The following EDIL3 variants were observed in gnomAD, a reference collection of about 807,000 sequenced individuals.
The protein encoded by EDIL3 is EGF like and discoidin domains 3.
In EDIL3, 37 loss-of-function variants were observed where a neutral mutation model predicts 67.4. The ratio of observed to expected loss-of-function variants is 0.55; its 90% confidence interval spans 0.42 to 0.72. The LOEUF (loss-of-function observed/expected upper bound fraction) is 0.72, where lower values mean the gene tolerates loss of function less well. Ranked by LOEUF, EDIL3 falls within the 30% of genes least tolerant of loss-of-function variation. The pLI is 0.00. For missense variants in EDIL3, 527 were observed against 586.3 expected (o/e 0.90, Z 1.04); for synonymous variants, 195 against 196.3 (o/e 0.99, Z 0.05).
At chr5:83,987,486 A>T (rs1745074947) in intron 9 of EDIL3, among the ~76,000 whole-genome samples, 1 of 152,132 alleles carries the variant, frequency 6.6e-6, no homozygotes, top group Non-Finnish European at 1.5e-5. Context: ...CTATTTGTCA[A>T]AATATGTAGC....
At chr5:84,036,394 T>C (rs1049599603) in intron 9 of EDIL3, among the ~76,000 whole-genome samples, 6 of 152,360 alleles carry the variant, frequency 3.9e-5, no homozygotes, top group South Asian at 2.1e-4. Flanking sequence ...CAGTCATATT[T>C]GTTTCCATTT....
At chr5:84,249,311 G>A (rs1744973778) in intron 2 of EDIL3, among the ~76,000 whole-genome samples, 1 of 152,036 alleles carries the variant, frequency 6.6e-6, no homozygotes, top group African/African-American at 2.4e-5. Flanking sequence ...TTAGCTTAAA[G>A]CAAGACATCT....
intron 9 of EDIL3, among the ~76,000 whole-genome samples, chr5:84,029,378 G>A (rs1001400975): frequency 1.4e-4 from 21 of 152,148 alleles, no homozygotes; most frequent in Admixed American, 1.2e-3. Flanking sequence ...CAACGATTGT[G>A]AGGCCTCCCC....
intron 3 of EDIL3, among the ~76,000 whole-genome samples, chr5:84,225,380 G>A (rs1321001902): frequency 6.6e-6 from 1 of 151,620 alleles, no homozygotes; most frequent in Non-Finnish European, 1.5e-5. Flanking sequence ...ACCAAAGACA[G>A]AATGTGATTG....
At chr5:84,303,794 G>GTCTC (rs374460298) in intron 1 of EDIL3, among the ~76,000 whole-genome samples, 4 of 138,834 alleles carry the variant, frequency 2.9e-5, no homozygotes, top group Non-Finnish European at 4.7e-5. Context: ...TGAACAGCAT[G>GTCTC]TCTCTCTCTC....
intron 1 of EDIL3, among the ~76,000 whole-genome samples, chr5:84,289,120 T>A (rs1328432437): frequency 1.3e-5 from 2 of 152,150 alleles, no homozygotes; most frequent in Non-Finnish European, 2.9e-5. Context: ...ATAGTTTCCA[T>A]CTAGATTTCT....
In EDIL3 at chr5:84,078,758, C is replaced by CT. The variant is rs1434162370; in HGVS notation, c.652-12153dup. The CT allele has an allele frequency of 3.9e-5, 6 of 152,218 alleles. No individual in the cohort carries two copies. The East Asian group carries it at 9.7e-4, about 24-fold the overall frequency. The allele number at this position is 152,218 out of a possible 1,614,324, so 9.4% of individuals were successfully genotyped here. A position where few individuals can be genotyped will look rare whatever the true frequency, so the allele number is the denominator to read the frequency against. ...ACTTCTCTATTCTCAAGGAAAATGACTTAAGTATGGCCATATTATGCAATA... is the reference window on the plus strand; with the variant it reads ...ACTTCTCTATTCTCAAGGAAAATGACTTTAAGTATGGCCATATTATGCAATA... On this transcript the variant is annotated intron_variant, in intron 6 of 10. Coordinates refer to ENST00000296591, the MANE Select transcript of EDIL3 (RefSeq NM_005711.5).
intron 3 of EDIL3, among the ~76,000 whole-genome samples, chr5:84,209,230 T>TGGG (rs1293094923): frequency 7.6e-5 from 10 of 132,040 alleles, no homozygotes; most frequent in African/African-American, 3.0e-4. Flanking sequence ...TGTTGTGGGG[T>TGGG]GGGGGGAGAG....
chr5:84,267,532 G>A (rs1339956483), intron 1 of EDIL3, among the ~76,000 whole-genome samples: 1 of 152,092 alleles, frequency 6.6e-6, no homozygotes, highest in African/African-American at 2.4e-5. Flanking sequence ...AGTTTTATTT[G>A]AGTATTACAA....
chr5:84,114,033 T>C (rs1747619873), intron 5 of EDIL3, among the ~76,000 whole-genome samples: 1 of 152,162 alleles, frequency 6.6e-6, no homozygotes. Context: ...CTTTCTTTTA[T>C]TCCTAGCATT....
intron 9 of EDIL3, among the ~76,000 whole-genome samples, chr5:84,046,408 T>C (rs999863044): frequency 1.4e-4 from 22 of 152,144 alleles, no homozygotes; most frequent in African/African-American, 5.1e-4. Flanking sequence ...TCAATCATTA[T>C]AATAGTCTAG....
At chr5:84,061,412 T>G (rs563751382) in intron 8 of EDIL3, among the ~76,000 whole-genome samples, 6 of 152,144 alleles carry the variant, frequency 3.9e-5, no homozygotes, top group Admixed American at 2.6e-4. Context: ...ATTTTTGTAA[T>G]AGAAAGCATG....
chr5:84,073,196 T>G (rs1018857301), intron 6 of EDIL3, among the ~76,000 whole-genome samples: 5 of 152,102 alleles, frequency 3.3e-5, no homozygotes, highest in Non-Finnish European at 7.4e-5. Flanking sequence ...GGGACGTATC[T>G]CAAAATAATA....
At chr5:84,292,234 C>T (rs1012080720) in intron 1 of EDIL3, among the ~76,000 whole-genome samples, 1 of 152,110 alleles carries the variant, frequency 6.6e-6, no homozygotes, top group Non-Finnish European at 1.5e-5. Flanking sequence ...TTACACCATA[C>T]TCTCTTTCAT....
rs578137828 is a variant in EDIL3 at position 84,356,289 on chromosome 5, C to A, written c.67+28019G>T. Among the ~76,000 whole-genome samples the A allele has an allele frequency of 2.6e-5, 4 of 152,310 alleles. No homozygotes were observed. The East Asian group carries it at 5.8e-4, about 22-fold the overall frequency. On this transcript the variant is annotated intron_variant, in intron 1 of 10. Transcript: ENST00000296591. ...TGTCTAATTTAGTTGTTCTTTCAGA[C>A]AAACTCCACGAATGTTTTAAAAATC...
intron 3 of EDIL3, among the ~76,000 whole-genome samples, chr5:84,203,540 G>A (rs1462563122): frequency 6.6e-6 from 1 of 152,140 alleles, no homozygotes; most frequent in Non-Finnish European, 1.5e-5. Flanking sequence ...AATGTTTAAT[G>A]AGATGCATGG....
chr5:83,979,533 G>A (rs997561934), intron 9 of EDIL3, among the ~76,000 whole-genome samples: 3 of 151,916 alleles, frequency 2.0e-5, no homozygotes, highest in Non-Finnish European at 2.9e-5. Context: ...ATAACTAAAT[G>A]GGATTAAAAT....
chr5:84,053,251 T>A (rs1033147954), intron 9 of EDIL3, among the ~76,000 whole-genome samples: 93 of 152,288 alleles, frequency 6.1e-4, no homozygotes, highest in African/African-American at 2.1e-3. Context: ...AGATGTTCTT[T>A]GAAACCAATG....
At chr5:84,063,677 T>C (rs1267017102) in intron 8 of EDIL3, among the ~76,000 whole-genome samples, 3 of 152,136 alleles carry the variant, frequency 2.0e-5, no homozygotes, top group South Asian at 2.1e-4. Context: ...CTTTAACCTA[T>C]AGGCAACCTC....
Sources: allele counts gnomAD v4.1 joint callset (sites outside exome capture counted in the v4.1 genomes callset), GRCh38; gene constraint gnomAD v4.1.1; transcripts MANE v1.5; gene names NCBI Gene and HGNC (gene_info 2026-07-23, HGNC 2026-07-21).